DIP2C: variants seen among roughly 807,000 people sequenced by gnomAD.
DIP2C encodes disco-interacting protein 2 homolog C.
DIP2C carries 33 observed loss-of-function variants against 192.4 expected under a neutral mutation model. The observed-to-expected ratio is 0.17, with a 90% confidence interval of 0.13 to 0.23. The LOEUF (loss-of-function observed/expected upper bound fraction) is 0.23. DIP2C is among the 10% of genes least tolerant of loss of function. DIP2C has a pLI of 1.00. For synonymous variants in DIP2C, 979 were observed against 864.1 expected (o/e 1.13, Z -2.33); for missense variants, 1,537 against 2,110.1 (o/e 0.73, Z 5.32).
In DIP2C at chr10:359,740, C is replaced by T. The variant is rs145185229; in HGVS notation, c.2795-1803G>A. On this transcript the variant is annotated intron_variant, in intron 22 of 36. Coordinates refer to ENST00000280886, the MANE Select transcript of DIP2C (RefSeq NM_014974.3). ...CCGGGAGACCCTCATTCACCCGCTGCGCATCCTCTATCTCTACCAGATAGA... is the reference window on the plus strand; with the variant it reads ...CCGGGAGACCCTCATTCACCCGCTGTGCATCCTCTATCTCTACCAGATAGA... Among the ~76,000 whole-genome samples, 1,113 of 152,292 alleles carry T rather than the reference C, an allele frequency of 7.3e-3. 11 individuals carry two copies. The highest frequency in any genetic ancestry group is 0.011 in the Admixed American group (172 of 15,300).
At chr10:328,472 G>A (rs1957366977) in intron 30 of DIP2C, among the ~76,000 whole-genome samples, 1 of 152,180 alleles carries the variant, frequency 6.6e-6, no homozygotes, top group African/African-American at 2.4e-5. Flanking sequence ...ATTGCATACT[G>A]ACCCTCAACT....
intron 14 of DIP2C, 114 bp from the exon 15 acceptor site, chr10:384,753 C>T (rs1039801841): frequency 6.6e-5 from 67 of 1,017,618 alleles, no homozygotes; most frequent in African/African-American, 5.0e-4. Flanking sequence ...TCTCAGGGAG[C>T]GCTGCAGACA....
At chr10:286,152 T>G in intron 34 of DIP2C, 121 bp downstream of exon 34, 1 of 868,918 alleles carries the variant, frequency 1.2e-6, no homozygotes, top group Non-Finnish European at 1.9e-6. Flanking sequence ...CAATCATAAC[T>G]CACTCAGCTC....
chr10:417,103 T>C (rs1965692936), intron 6 of DIP2C, among the ~76,000 whole-genome samples: 1 of 152,186 alleles, frequency 6.6e-6, no homozygotes, highest in South Asian at 2.1e-4. Context: ...TATCCACACA[T>C]AGTATGTTCC....
At chr10:677,179 G>T (rs909675741) in intron 1 of DIP2C, among the ~76,000 whole-genome samples, 1 of 152,208 alleles carries the variant, frequency 6.6e-6, no homozygotes. Context: ...GAAGACTATA[G>T]TCACTTGAGC....
Position 357,731 on chromosome 10 carries a change from A to C in DIP2C, c.2904+97T>G, listed in dbSNP as rs575038145. The C allele has an allele frequency of 1.7e-5, 15 of 860,884 alleles. No individual in the cohort carries two copies. The African/African-American group carries it at 2.0e-4, about 12-fold the overall frequency. The allele number at this position is 860,884 out of a possible 1,614,324, so 53.3% of individuals were successfully genotyped here. On this transcript the variant is annotated intron_variant, in intron 23 of 36. Coordinates refer to ENST00000280886, the MANE Select transcript of DIP2C (RefSeq NM_014974.3). ...ACTGTCGCGGACTGTCAGGGAAGGT[A>C]GGGGACAGTCGGGTACTGTCGGGGA...
At chr10:545,956 T>C (rs1440202598) in intron 1 of DIP2C, among the ~76,000 whole-genome samples, 1 of 152,174 alleles carries the variant, frequency 6.6e-6, no homozygotes, top group East Asian at 1.9e-4. Flanking sequence ...TCAGGAACCC[T>C]TTACAGTTTA....
At chr10:679,803 T>A (rs1890679) in intron 1 of DIP2C, among the ~76,000 whole-genome samples, 1 of 152,054 alleles carries the variant, frequency 6.6e-6, no homozygotes, top group Admixed American at 6.5e-5. Flanking sequence ...CCTGCGCCCA[T>A]ATCTGCTCCT....
intron 32 of DIP2C, among the ~76,000 whole-genome samples, chr10:304,680 TCA>T (rs551187750): frequency 1.3e-4 from 13 of 102,204 alleles, no homozygotes; most frequent in South Asian, 1.1e-3. Context: ...CACACAATAC[TCA>T]CATAGCCCAC....
chr10:324,013 G>A (rs1035444894), intron 31 of DIP2C, among the ~76,000 whole-genome samples: 3 of 152,248 alleles, frequency 2.0e-5, no homozygotes, highest in Admixed American at 2.0e-4. Context: ...ACTTACGGCT[G>A]CCTTCGCTGG....
intron 15 of DIP2C, among the ~76,000 whole-genome samples, 161 bp from the exon 16 acceptor site, chr10:384,307 T>G (rs1962669600): frequency 8.0e-6 from 1 of 124,652 alleles, no homozygotes; most frequent in Admixed American, 9.6e-5. Context: ...TTTGTGATCT[T>G]GGCTCACCGC....
At chr10:482,314 G>A (rs1042734375) in intron 2 of DIP2C, among the ~76,000 whole-genome samples, 1 of 152,306 alleles carries the variant, frequency 6.6e-6, no homozygotes, top group Admixed American at 6.5e-5. Flanking sequence ...GAGGCCTCCG[G>A]TGCAGACAGT....
At chr10:534,805 T>C (rs1847605105) in intron 1 of DIP2C, among the ~76,000 whole-genome samples, 1 of 151,244 alleles carries the variant, frequency 6.6e-6, no homozygotes, top group African/African-American at 2.4e-5. Context: ...GCCTCCCGAG[T>C]AGCTGGGACT....
intron 1 of DIP2C, among the ~76,000 whole-genome samples, chr10:521,718 G>A (rs1036935278): frequency 1.1e-4 from 16 of 152,162 alleles, no homozygotes; most frequent in African/African-American, 3.9e-4. Context: ...TAGAACACAG[G>A]AGACACCCTC....
At chr10:441,254 G>A (rs1967701796) in intron 3 of DIP2C, 1 of 404,332 alleles carries the variant, frequency 2.5e-6, no homozygotes, top group Non-Finnish European at 4.4e-6. Flanking sequence ...ACTGAGATTT[G>A]TCTTTTTAGG....
At chr10:345,138 A>G (rs1019347207) in intron 26 of DIP2C, 28 bp from the exon 27 acceptor site, 7 of 1,592,890 alleles carry the variant, frequency 4.4e-6, no homozygotes, top group Non-Finnish European at 5.1e-6. Flanking sequence ...GAATGGAGCC[A>G]TGAACGTGGA....
At chr10:501,675 A>C (rs927439400) in intron 1 of DIP2C, among the ~76,000 whole-genome samples, 13 of 152,272 alleles carry the variant, frequency 8.5e-5, no homozygotes, top group African/African-American at 2.6e-4. Context: ...CCAGACAGGC[A>C]AAAGGACTGG....
chr10:325,938 T>C (rs187907060), intron 31 of DIP2C, among the ~76,000 whole-genome samples: 134 of 152,144 alleles, frequency 8.8e-4, no homozygotes, highest in African/African-American at 3.1e-3. Context: ...TCCCAGCACT[T>C]TGGGAGGCCA....
chr10:544,930 C>T (rs559989475), intron 1 of DIP2C, among the ~76,000 whole-genome samples: 1 of 152,252 alleles, frequency 6.6e-6, no homozygotes, highest in East Asian at 1.9e-4. Flanking sequence ...TTTTCCCCTT[C>T]AGTTGCTTGT....
Sources: allele counts gnomAD v4.1 joint callset (sites outside exome capture counted in the v4.1 genomes callset), GRCh38; gene constraint gnomAD v4.1.1; transcripts MANE v1.5; gene names NCBI Gene and HGNC (gene_info 2026-07-23, HGNC 2026-07-21).